Variants in BICD1 observed in about 807,000 individuals in gnomAD.
BICD1 encodes protein bicaudal D homolog 1.
In BICD1, 35 loss-of-function variants were observed where a neutral mutation model predicts 92.5. That is an observed-to-expected ratio of 0.38 (90% CI 0.29 to 0.50). BICD1 has a LOEUF of 0.50. Ranked by LOEUF, BICD1 falls within the 20% of genes least tolerant of loss-of-function variation. The probability of loss-of-function intolerance (pLI) is 0.93; values close to 1 mark genes in which losing one functional copy is unlikely to be tolerated. For synonymous variants in BICD1, 429 were observed against 465.1 expected (o/e 0.92, Z 1.00); for missense variants, 950 against 1,189.8 (o/e 0.80, Z 2.97).
intron 1 of BICD1, among the ~76,000 whole-genome samples, chr12:32,212,087 T>G (rs1945232020): frequency 6.6e-6 from 1 of 152,264 alleles, no homozygotes; most frequent in Non-Finnish European, 1.5e-5. Flanking sequence ...TTACTCTGTA[T>G]GTACAGATGG....
At chr12:32,225,617 T>C (rs901382509) in intron 2 of BICD1, among the ~76,000 whole-genome samples, 1 of 100,338 alleles carries the variant, frequency 1.0e-5, no homozygotes, top group African/African-American at 4.0e-5. Flanking sequence ...AGTTCTTTTT[T>C]TCTGTTTTTT....
At chr12:32,117,796 G>A (rs1206117706) in intron 1 of BICD1, among the ~76,000 whole-genome samples, 9 of 144,186 alleles carry the variant, frequency 6.2e-5, no homozygotes, top group African/African-American at 2.3e-4. Flanking sequence ...CGTTGTCCAG[G>A]CTGGAGTGCA....
At chr12:32,181,497 T>C (rs1944272682) in intron 1 of BICD1, among the ~76,000 whole-genome samples, 1 of 151,958 alleles carries the variant, frequency 6.6e-6, no homozygotes, top group Admixed American at 6.6e-5. Context: ...GGCTACAAAA[T>C]GAAACAATTT....
At chr12:32,241,862 T>C (rs1946245536) in intron 2 of BICD1, among the ~76,000 whole-genome samples, 1 of 152,000 alleles carries the variant, frequency 6.6e-6, no homozygotes, top group Admixed American at 6.6e-5. Flanking sequence ...CAGGAAATTT[T>C]ATTGAAGGCT....
At chr12:32,218,609 T>C (rs1299995989) in intron 2 of BICD1, among the ~76,000 whole-genome samples, 1 of 152,256 alleles carries the variant, frequency 6.6e-6, no homozygotes, top group African/African-American at 2.4e-5. Flanking sequence ...TTATGCATTT[T>C]ACATAGTAGA....
intron 8 of BICD1, chr12:32,340,083 G>T: frequency 2.0e-6 from 2 of 984,364 alleles, no homozygotes; most frequent in Non-Finnish European, 2.4e-6. Context: ...TGCCACCGTT[G>T]AAATAGAATT....
intron 1 of BICD1, among the ~76,000 whole-genome samples, chr12:32,182,056 G>C (rs1245588404): frequency 6.6e-6 from 1 of 151,852 alleles, no homozygotes; most frequent in Non-Finnish European, 1.5e-5. Flanking sequence ...GGGTATGCTT[G>C]TTAGATCTAC....
chr12:32,276,974 C>A (rs2136159467), intron 2 of BICD1, among the ~76,000 whole-genome samples: 1 of 147,312 alleles, frequency 6.8e-6, no homozygotes, highest in African/African-American at 2.5e-5. Context: ...CTCATTTTTT[C>A]TGACAACTCT....
At chr12:32,197,896 A>G (rs1372200977) in intron 1 of BICD1, among the ~76,000 whole-genome samples, 2 of 123,434 alleles carry the variant, frequency 1.6e-5, no homozygotes, top group East Asian at 4.8e-4. Flanking sequence ...TTGAGTATCA[A>G]GCATGCATAT....
At chr12:32,349,344 G>A (rs1453135216) in intron 8 of BICD1, among the ~76,000 whole-genome samples, 1 of 152,058 alleles carries the variant, frequency 6.6e-6, no homozygotes, top group African/African-American at 2.4e-5. Context: ...CCTTGCAAAG[G>A]GACTTCTATC....
At chr12:32,217,220 CTA>C (rs1396499386) in intron 2 of BICD1, among the ~76,000 whole-genome samples, 1 of 152,152 alleles carries the variant, frequency 6.6e-6, no homozygotes, top group African/African-American at 2.4e-5. Flanking sequence ...GATATGAAAG[CTA>C]TAGAAGAGAC....
At chr12:32,365,423 A>G (rs566363474) in intron 8 of BICD1, among the ~76,000 whole-genome samples, 1 of 152,308 alleles carries the variant, frequency 6.6e-6, no homozygotes, top group African/African-American at 2.4e-5. Context: ...TTTTGAATGA[A>G]TAATAATCTG....
At chr12:32,121,763 A>G (rs1942158312) in intron 1 of BICD1, among the ~76,000 whole-genome samples, 1 of 151,466 alleles carries the variant, frequency 6.6e-6, no homozygotes, top group African/African-American at 2.4e-5. Context: ...AAGAAAACCT[A>G]CGGTTAATGA....
At chr12:32,212,700 G>A (rs981973711) in intron 1 of BICD1, among the ~76,000 whole-genome samples, 1 of 152,206 alleles carries the variant, frequency 6.6e-6, no homozygotes, top group Admixed American at 6.5e-5. Flanking sequence ...TGGGATTACA[G>A]GCGTGAGCCA....
intron 1 of BICD1, among the ~76,000 whole-genome samples, chr12:32,186,684 A>G (rs1944430443): frequency 6.6e-6 from 1 of 152,234 alleles, no homozygotes; most frequent in Non-Finnish European, 1.5e-5. Context: ...TTGCCAAAGT[A>G]TAATTGTGGT....
chr12:32,222,294 A>G (rs756264248), intron 2 of BICD1, among the ~76,000 whole-genome samples: 2 of 152,246 alleles, frequency 1.3e-5, no homozygotes, highest in Non-Finnish European at 2.9e-5. Context: ...GATTAAGCCT[A>G]TAATTTAAAG....
Position 32,315,413 on chromosome 12 carries a change from T to A in BICD1, c.1005+9291T>A, listed in dbSNP as rs185666146. On this transcript the variant is annotated intron_variant, in intron 4 of 9. Coordinates refer to ENST00000652176, the MANE Select transcript of BICD1 (RefSeq NM_001714.4). ...AATAGGAAAGTTTGCTAGTTCTTTT[T>A]CAAGAAGTTTCTTCAGGACTGTTTT... Among the ~76,000 whole-genome samples, 190 of 152,366 alleles carry A rather than the reference T, an allele frequency of 1.2e-3. 2 individuals carry two copies. The highest frequency in any genetic ancestry group is 4.5e-3 in the African/African-American group (186 of 41,596).
At chr12:32,191,010 AAG>A (rs1368123902) in intron 1 of BICD1, among the ~76,000 whole-genome samples, 16 of 152,240 alleles carry the variant, frequency 1.1e-4, no homozygotes, top group Admixed American at 1.0e-3. Flanking sequence ...AAGAAATCAA[AAG>A]AGAGATTAGG....
intron 2 of BICD1, among the ~76,000 whole-genome samples, chr12:32,283,359 A>ACCACTCCACTCCACTCCACT (rs10672753): frequency 0.024 from 3,588 of 149,524 alleles, 80 homozygotes; most frequent in African/African-American, 0.052. Context: ...TGGGCATTTG[A>ACCACTCCACTCCACTCCACT]CCACTCCACT....
Sources: gnomAD v4.1 joint callset for allele counts (sites outside exome capture counted in the v4.1 genomes callset) on GRCh38, gnomAD v4.1.1 for gene constraint, MANE v1.5 for transcripts, NCBI Gene and HGNC (gene_info 2026-07-23, HGNC 2026-07-21) for gene names.